MYL1: variants seen among roughly 807,000 people sequenced by gnomAD.
MYL1 encodes myosin light chain 1/3, skeletal muscle isoform.
A neutral mutation model predicts 21.8 loss-of-function variants in MYL1; 16 were observed. That is an observed-to-expected ratio of 0.74 (90% CI 0.50 to 1.12). The LOEUF (loss-of-function observed/expected upper bound fraction) is 1.12, where lower values mean the gene tolerates loss of function less well. MYL1 is among the 50% of genes most tolerant of loss of function. The pLI is 0.00. For synonymous variants in MYL1, 99 were observed against 85.2 expected, an observed-to-expected ratio of 1.16 and a Z score of -0.89; for missense variants, 246 against 241.0, an observed-to-expected ratio of 1.02 and a Z score of -0.14.
At chr2:210,314,675 A>T (rs1690463011) in intron 1 of MYL1, among the ~76,000 whole-genome samples, 1 of 152,238 alleles carries the variant, frequency 6.6e-6, no homozygotes, top group Admixed American at 6.5e-5. Flanking sequence ...GAAAATGGAA[A>T]CTTGAGAATA....
chr2:210,293,656 A>C (rs1575701586), intron 5 of MYL1, 67 bp downstream of exon 5: 1 of 1,348,896 alleles, frequency 7.4e-7, no homozygotes, highest in East Asian at 2.3e-5. Flanking sequence ...AAAGAAGCTC[A>C]AAAGGAGCCC....
At chr2:210,299,243 C>T (rs1690228624) in intron 2 of MYL1, among the ~76,000 whole-genome samples, 1 of 152,124 alleles carries the variant, frequency 6.6e-6, no homozygotes, top group Non-Finnish European at 1.5e-5. Context: ...TCAAATAATA[C>T]ATATGACATA....
intron 1 of MYL1, among the ~76,000 whole-genome samples, chr2:210,310,359 C>T (rs1690401500): frequency 6.6e-6 from 1 of 151,784 alleles, no homozygotes; most frequent in African/African-American, 2.4e-5. Context: ...GCATACCATC[C>T]CAAAGAATAT....
chr2:210,292,768 A>C (rs1690099660), intron 5 of MYL1, among the ~76,000 whole-genome samples: 1 of 152,226 alleles, frequency 6.6e-6, no homozygotes, highest in South Asian at 2.1e-4. Context: ...TACATTTCAC[A>C]TGTAAATTAT....
chr2:210,302,539 A>T, intron 1 of MYL1, 24 bp from the exon 2 acceptor site: 1 of 1,606,734 alleles, frequency 6.2e-7, no homozygotes, highest in Non-Finnish European at 8.5e-7. Flanking sequence ...ATTGACCACA[A>T]AGAATGTTTT....
rs141311374 is a variant in MYL1, at chr2:210,296,482, T to C, written c.304+1938A>G. ...GATAGATGTTTGGTAAGTTGGGAAG[T>C]GGCATTTAAAAATAAGGTTTCTGTT... On this transcript the variant is annotated intron_variant, in intron 3 of 6. Transcript: ENST00000352451. Among the ~76,000 whole-genome samples, 817 of 152,242 alleles carry C rather than the reference T, an allele frequency of 5.4e-3. 10 individuals are homozygous for C. The highest frequency in any genetic ancestry group is 0.019 in the African/African-American group (772 of 41,546).
At position 210,298,463 on chromosome 2, in the gene MYL1, G is replaced by A; in HGVS notation, c.261C>T (p.Thr87=). Residue 87 remains threonine, a synonymous_variant, in exon 3 of 7, where the codon ACC becomes ACT. Transcript: ENST00000352451. The part of the protein sequence containing the change: ...DVLRALGTNP[T]NAEVRKVLGN... ...CCAGAACTTTCCTGACCTCTGCATT[G>A]GTGGGATTTGTGCCCAGAGCTCGAA... 1.2e-6 allele frequency: 2 copies of A among 1,613,910 alleles called. No homozygotes were observed. Among genetic ancestry groups the A allele is most frequent in the South Asian group, 1.1e-5 (1 of 91,076 alleles).
At chr2:210,295,578 G>A (rs1043696915) in intron 3 of MYL1, among the ~76,000 whole-genome samples, 2 of 151,784 alleles carry the variant, frequency 1.3e-5, no homozygotes, top group Admixed American at 6.6e-5. Context: ...CCTGGGAGGT[G>A]GAGGTTGTTG....
intron 1 of MYL1, among the ~76,000 whole-genome samples, chr2:210,310,522 C>T (rs9646846): frequency 0.28 from 41,964 of 151,928 alleles, 6,586 homozygotes; most frequent in Non-Finnish European, 0.36. Flanking sequence ...ACTAAAAAAA[C>T]TCAGTTTCAT....
At chr2:210,297,821 A>T (rs1182218908) in intron 3 of MYL1, among the ~76,000 whole-genome samples, 1 of 151,618 alleles carries the variant, frequency 6.6e-6, no homozygotes, top group Non-Finnish European at 1.5e-5. Context: ...TCATAGAAGC[A>T]GTGTGTCAAA....
At position 210,293,809 on chromosome 2, in the gene MYL1, A is replaced by C. The variant is rs372957927; in HGVS notation, c.479-9T>G. 10 of 1,613,474 alleles carry C rather than the reference A, an allele frequency of 6.2e-6. No individual in the cohort carries two copies. The highest frequency in any genetic ancestry group is 7.6e-6 in the Non-Finnish European group (9 of 1,179,556). On this transcript the variant is annotated splice_polypyrimidine_tract_variant and intron_variant, in intron 4 of 6. Transcript: ENST00000352451. ...CTCTTTCATCTTTTCACCTGATGAA[A>C]CAAAACTCTCCTTTCAGAAAGAAGG...
At chr2:210,293,559 A>G (rs1313423024) in intron 5 of MYL1, among the ~76,000 whole-genome samples, 164 bp downstream of exon 5, 1 of 152,186 alleles carries the variant, frequency 6.6e-6, no homozygotes, top group Non-Finnish European at 1.5e-5. Context: ...ACTGGAATAA[A>G]TGTTATTTAT....
intron 6 of MYL1, among the ~76,000 whole-genome samples, 181 bp downstream of exon 6, chr2:210,290,851 T>C (rs1251866276): frequency 6.6e-6 from 1 of 152,140 alleles, no homozygotes; most frequent in Non-Finnish European, 1.5e-5. Context: ...TGCTTATATC[T>C]CGTACAAAAA....
chr2:210,302,973 T>A, intron 1 of MYL1: 1 of 608,852 alleles, frequency 1.6e-6, no homozygotes, highest in Non-Finnish European at 2.9e-6. Context: ...CAAAAGATAA[T>A]TAGGGAATAT....
At chr2:210,313,109 A>T (rs1690441175) in intron 1 of MYL1, among the ~76,000 whole-genome samples, 1 of 151,912 alleles carries the variant, frequency 6.6e-6, no homozygotes, top group Non-Finnish European at 1.5e-5. Flanking sequence ...TTTCTTGGAG[A>T]TCTCTCACCT....
chr2:210,303,741 G>A (rs1379094226), intron 1 of MYL1: 1 of 585,568 alleles, frequency 1.7e-6, no homozygotes. Flanking sequence ...AGGGCAAAGG[G>A]AAAGATGGAT....
intron 1 of MYL1, among the ~76,000 whole-genome samples, chr2:210,305,112 A>G (rs1690319928): frequency 6.6e-6 from 1 of 152,216 alleles, no homozygotes; most frequent in Non-Finnish European, 1.5e-5. Flanking sequence ...GGTCACAAAA[A>G]ACATGAAGTC....
At chr2:210,300,461 C>T (rs1433083275) in intron 2 of MYL1, among the ~76,000 whole-genome samples, 2 of 152,090 alleles carry the variant, frequency 1.3e-5, no homozygotes, top group African/African-American at 4.8e-5. Flanking sequence ...TGGCTTTCTT[C>T]ACACCTCAGT....
intron 5 of MYL1, among the ~76,000 whole-genome samples, chr2:210,292,271 C>T (rs774803401): frequency 6.6e-6 from 1 of 152,038 alleles, no homozygotes; most frequent in Non-Finnish European, 1.5e-5. Context: ...CAGGGTTTCA[C>T]CATGCTGGCC....
Sources: gnomAD v4.1 joint callset for allele counts (sites outside exome capture counted in the v4.1 genomes callset) on GRCh38, gnomAD v4.1.1 for gene constraint, MANE v1.5 for transcripts, NCBI Gene and HGNC (gene_info 2026-07-23, HGNC 2026-07-21) for gene names.